INHBC: variants seen among roughly 807,000 people sequenced by gnomAD.
INHBC encodes inhibin subunit beta C.
In INHBC, 10 loss-of-function variants were observed where a neutral mutation model predicts 12.4. The ratio of observed to expected loss-of-function variants is 0.81; its 90% CI spans 0.50 to 1.37. The LOEUF (loss-of-function observed/expected upper bound fraction) is 1.37. Ranked by LOEUF, INHBC falls within the 40% of genes most tolerant of loss-of-function variation. The pLI, the probability that INHBC is intolerant of heterozygous loss-of-function variation, is 0.00. For synonymous variants in INHBC, 147 were observed against 171.6 expected (o/e 0.86, Z 1.12); for missense variants, 382 against 439.4 (o/e 0.87, Z 1.17).
At chr12:57,437,873 C>T (rs2139830201) in intron 1 of INHBC, among the ~76,000 whole-genome samples, 1 of 151,938 alleles carries the variant, frequency 6.6e-6, no homozygotes, top group South Asian at 2.1e-4. Context: ...GCAACCCCCG[C>T]CTCCCGGGTT....
At chr12:57,442,369 G>T (rs939771172) in intron 1 of INHBC, among the ~76,000 whole-genome samples, 2 of 152,206 alleles carry the variant, frequency 1.3e-5, no homozygotes, top group African/African-American at 4.8e-5. Flanking sequence ...GTCTACTACA[G>T]CCCCTGTTGG....
rs3741415 is a variant in INHBC at position 57,450,242 on chromosome 12, A to C, written c.*220A>C. 25 of 452,812 alleles carry C rather than the reference A, an allele frequency of 5.5e-5. No individual in the cohort carries two copies. The East Asian group carries it at 8.5e-4, about 15-fold the overall frequency. The allele number at this position is 452,812 out of a possible 1,614,324, so 28.0% of individuals were successfully genotyped here. On this transcript the variant is annotated 3_prime_UTR_variant, in exon 2 of 2. Transcript: ENST00000309668. ...TGACCACTACCCTCTTTCCTAGGGCATAGTCCATCCCGCTAGTCCATCCCG... is the reference window on the plus strand; with the variant it reads ...TGACCACTACCCTCTTTCCTAGGGCCTAGTCCATCCCGCTAGTCCATCCCG...
At chr12:57,439,759 A>G (rs1410062766) in intron 1 of INHBC, among the ~76,000 whole-genome samples, 2 of 152,190 alleles carry the variant, frequency 1.3e-5, no homozygotes, top group Non-Finnish European at 2.9e-5. Context: ...GCATTTGTCT[A>G]GTTGTGAGGG....
chr12:57,451,998 A>G lies in INHBC; in HGVS notation c.*1976A>G, dbSNP rs1870726364. On this transcript the variant is annotated 3_prime_UTR_variant, in exon 2 of 2. Transcript: ENST00000309668. ...AATGCAATATTATTTTAAAGTCAAA[A>G]TTAATGCAAAAAATCCATGATGAAC... is the stretch of plus-strand genomic sequence containing the variant. 1 of 347,172 alleles carries G rather than the reference A, an allele frequency of 2.9e-6. No homozygotes were observed. Among genetic ancestry groups the G allele is most frequent in the Non-Finnish European group, 5.7e-6 (1 of 175,434 alleles). 21.5% of individuals were successfully genotyped at this position (347,172 alleles called of 1,614,324 possible).
At chr12:57,447,892 A>AAAAAATATATATAT (rs1555325179) in intron 1 of INHBC, among the ~76,000 whole-genome samples, 8 of 19,866 alleles carry the variant, frequency 4.0e-4, no homozygotes, top group Non-Finnish European at 6.3e-4. Flanking sequence ...AAAAAAAAAA[A>AAAAAATATATATAT]ATATATATAT....
intron 1 of INHBC, among the ~76,000 whole-genome samples, chr12:57,445,490 G>C (rs1870553573): frequency 6.6e-6 from 1 of 152,232 alleles, no homozygotes. Flanking sequence ...TAATTTCAAA[G>C]TAGAGGATAA....
At chr12:57,442,379 G>A (rs1171225552) in intron 1 of INHBC, among the ~76,000 whole-genome samples, 1 of 152,160 alleles carries the variant, frequency 6.6e-6, no homozygotes, top group Non-Finnish European at 1.5e-5. Flanking sequence ...GCCCCTGTTG[G>A]TCTTGTGTTT....
At position 57,450,064 on chromosome 12, in the gene INHBC, A is replaced by G; in HGVS notation, c.*42A>G. 6.8e-7 allele frequency: 1 copy of G among 1,472,142 alleles called. No homozygotes were observed. The highest frequency in any genetic ancestry group is 9.0e-7 in the Non-Finnish European group (1 of 1,117,254). The allele number at this position is 1,472,142 out of a possible 1,614,324, so 91.2% of individuals were successfully genotyped here. Reference sequence around the variant, plus strand: ...GCAGCCCAAGGTTGCATGGGAAAACACGCCCCTACAGAAGTGCACTTCCTT... The same window carrying G: ...GCAGCCCAAGGTTGCATGGGAAAACGCGCCCCTACAGAAGTGCACTTCCTT... On this transcript the variant is annotated 3_prime_UTR_variant, in exon 2 of 2. Transcript: ENST00000309668.
At position 57,449,949 on chromosome 12, in the gene INHBC, A is replaced by G. The variant is rs779060439; in HGVS notation, c.986A>G (p.Tyr329Cys). The G allele has an allele frequency of 1.2e-4, 187 of 1,566,708 alleles. No individual in the cohort carries two copies. The highest frequency in any genetic ancestry group is 1.5e-4 in the Non-Finnish European group (172 of 1,155,352). ...GCCCGGCGCCCCCTGTCTCTGCTCT[A>G]TTATGACAGGGACAGCAACATTGTC... Reference protein sequence around the residue: ...PTARRPLSLLYYDRDSNIVKT... With the variant: ...PTARRPLSLLCYDRDSNIVKT... Residue 329 changes from tyrosine (Y) to cysteine (C), a missense_variant, in exon 2 of 2, where the codon TAT (tyrosine) becomes TGT (cysteine). Physicochemically the swap from Tyr to Cys is radical, Grantham distance 194. Coordinates refer to ENST00000309668, the MANE Select transcript of INHBC (RefSeq NM_005538.4).
chr12:57,450,030 G>T lies in INHBC; in HGVS notation c.*8G>T. On this transcript the variant is annotated 3_prime_UTR_variant, in exon 2 of 2. Coordinates refer to ENST00000309668, the MANE Select transcript of INHBC (RefSeq NM_005538.4). ...GCCTGTGGGTGCAGTTAGTCTATGT[G>T]TGGTATGGGCAGCCCAAGGTTGCAT... The T allele has an allele frequency of 6.6e-7, 1 of 1,507,314 alleles. No homozygotes were observed. The allele number at this position is 1,507,314 out of a possible 1,614,324, so 93.4% of individuals were successfully genotyped here.
At chr12:57,447,902 T>TAC (rs1299097099) in intron 1 of INHBC, among the ~76,000 whole-genome samples, 2 of 87,876 alleles carry the variant, frequency 2.3e-5, no homozygotes, top group East Asian at 6.6e-4. Flanking sequence ...AATATATATA[T>TAC]ATATATATAT....
At chr12:57,446,743 T>C (rs969901205) in intron 1 of INHBC, among the ~76,000 whole-genome samples, 15 of 152,022 alleles carry the variant, frequency 9.9e-5, no homozygotes, top group African/African-American at 2.9e-4. Context: ...ACTCAAGCCA[T>C]GCATCCACCT....
chr12:57,436,167 CTT>C (rs35783961), intron 1 of INHBC, among the ~76,000 whole-genome samples: 16 of 118,364 alleles, frequency 1.4e-4, no homozygotes, highest in African/African-American at 9.6e-5. Context: ...TTTTAAAAAA[CTT>C]TTTTTTTTTT....
chr12:57,445,737 T>G (rs1364038898), intron 1 of INHBC, among the ~76,000 whole-genome samples: 1 of 60,660 alleles, frequency 1.6e-5, no homozygotes, highest in African/African-American at 5.8e-5. Flanking sequence ...TCCATGTAAA[T>G]TTTTTTTTTT....
rs1339974989 is a variant in INHBC at position 57,451,480 on chromosome 12, TTTTTAGACC to T, written c.*1462_*1470del. Among the ~76,000 whole-genome samples, 1 of 152,174 alleles carries T rather than the reference TTTTTAGACC, an allele frequency of 6.6e-6. No homozygotes were observed. Among genetic ancestry groups the T allele is most frequent in the Non-Finnish European group, 1.5e-5 (1 of 68,022 alleles). ...TGGCATTTGCTCTGAGACTGGGTCC[TTTTTAGACC>T]TTTGCCCGTCCTCCCCCACATCTCC... On this transcript the variant is annotated 3_prime_UTR_variant, in exon 2 of 2. Transcript: ENST00000309668.
At chr12:57,438,354 A>T (rs1240445765) in intron 1 of INHBC, among the ~76,000 whole-genome samples, 1 of 152,126 alleles carries the variant, frequency 6.6e-6, no homozygotes, top group African/African-American at 2.4e-5. Context: ...ACTTTTTATA[A>T]AGGCACTAAT....
intron 1 of INHBC, among the ~76,000 whole-genome samples, chr12:57,441,354 CAAAAAAAAAAAAAAA>C (rs1171735520): frequency 2.9e-5 from 1 of 33,926 alleles, no homozygotes; most frequent in African/African-American, 1.4e-4. Context: ...AATTCCATCT[CAAAAAAAAAAAAAAA>C]AAAAAAAAAG....
intron 1 of INHBC, among the ~76,000 whole-genome samples, chr12:57,447,545 T>C (rs1172694975): frequency 6.6e-6 from 1 of 150,390 alleles, no homozygotes; most frequent in African/African-American, 2.5e-5. Flanking sequence ...AGAGGGGGTA[T>C]ATAGGAAGGA....
rs1870681738 is a variant in INHBC at position 57,450,130 on chromosome 12, C to T, written c.*108C>T. 1.7e-6 allele frequency: 2 copies of T among 1,197,562 alleles called. No individual in the cohort carries two copies. The highest frequency in any genetic ancestry group is 2.6e-5 in the East Asian group (1 of 38,686). 74.2% of individuals were successfully genotyped at this position (1,197,562 alleles called of 1,614,324 possible). A position where few individuals can be genotyped will look rare whatever the true frequency, so the allele number is the denominator to read the frequency against. On this transcript the variant is annotated 3_prime_UTR_variant, in exon 2 of 2. Transcript: ENST00000309668. ...CCTCATTCTCTGTCCAGAATGTGGACTCCCTCTTCCTGAGCATCTTATGGA... is the reference window on the plus strand; with the variant it reads ...CCTCATTCTCTGTCCAGAATGTGGATTCCCTCTTCCTGAGCATCTTATGGA...
Sources: allele counts gnomAD v4.1 joint callset (sites outside exome capture counted in the v4.1 genomes callset), GRCh38; gene constraint gnomAD v4.1.1; transcripts MANE v1.5; gene names NCBI Gene and HGNC (gene_info 2026-07-23, HGNC 2026-07-21).